The following HTR1F variants were observed in gnomAD, a reference collection of about 807,000 sequenced individuals.
HTR1F encodes 5-hydroxytryptamine (serotonin) receptor 1F, G protein-coupled.
In HTR1F, 17 loss-of-function variants were observed where a neutral mutation model predicts 24.0. The observed-to-expected ratio is 0.71, with a 90% CI of 0.48 to 1.06. HTR1F has a LOEUF of 1.06. Ranked by LOEUF, HTR1F falls within the 50% of genes least tolerant of loss-of-function variation. The pLI is 0.00. For missense variants in HTR1F, 391 were observed against 427.8 expected, an observed-to-expected ratio of 0.91 and a Z score of 0.76; for synonymous variants, 186 against 156.8, an observed-to-expected ratio of 1.19 and a Z score of -1.39.
At chr3:87,946,773 G>A (rs112530869) in intron 2 of HTR1F, among the ~76,000 whole-genome samples, 2,180 of 151,970 alleles carry the variant, frequency 0.014, 52 homozygotes, top group African/African-American at 0.047. Context: ...TTACAGGCGC[G>A]TGCTACCACG....
intron 2 of HTR1F, among the ~76,000 whole-genome samples, chr3:87,979,064 GGAGGGAGGGAGGGGGGGA>G (rs1705476657): frequency 1.2e-4 from 1 of 8,332 alleles, no homozygotes; most frequent in Non-Finnish European, 2.4e-4. Context: ...GGGAGGGGGG[GGAGGGAGGGAGGGGGGGA>G]GGAAGGAAGG....
chr3:87,879,676 T>A (rs1029264949), intron 2 of HTR1F, among the ~76,000 whole-genome samples: 2 of 152,228 alleles, frequency 1.3e-5, no homozygotes, highest in Non-Finnish European at 2.9e-5. Flanking sequence ...AAATTTTTCA[T>A]GATTTTATTC....
At chr3:87,874,369 TA>T (rs1181813620) in intron 2 of HTR1F, among the ~76,000 whole-genome samples, 1 of 152,052 alleles carries the variant, frequency 6.6e-6, no homozygotes, top group African/African-American at 2.4e-5. Context: ...AAAATGAAAT[TA>T]AGAAAACAGT....
At chr3:87,864,042 C>A (rs1156281077) in intron 2 of HTR1F, among the ~76,000 whole-genome samples, 3 of 152,134 alleles carry the variant, frequency 2.0e-5, no homozygotes, top group East Asian at 3.8e-4. Flanking sequence ...TCTAGTCTTT[C>A]TCATACTGTA....
chr3:87,816,119 G>T (rs1704245522), intron 1 of HTR1F, among the ~76,000 whole-genome samples: 1 of 151,928 alleles, frequency 6.6e-6, no homozygotes, highest in Non-Finnish European at 1.5e-5. Context: ...CAAGAAGAGG[G>T]GCTTAATTGA....
intron 2 of HTR1F, among the ~76,000 whole-genome samples, chr3:87,946,162 C>CGG (rs1704697370): frequency 6.6e-6 from 1 of 152,176 alleles, no homozygotes; most frequent in South Asian, 2.1e-4. Flanking sequence ...CGGCAATGGG[C>CGG]GCATCGCTGG....
chr3:87,915,897 C>A (rs1308844916), intron 2 of HTR1F, among the ~76,000 whole-genome samples: 1 of 152,126 alleles, frequency 6.6e-6, no homozygotes, highest in African/African-American at 2.4e-5. Flanking sequence ...CACCTAGCCA[C>A]ACTGTCATCA....
At chr3:87,867,488 A>C (rs1035403479) in intron 2 of HTR1F, among the ~76,000 whole-genome samples, 2 of 151,896 alleles carry the variant, frequency 1.3e-5, no homozygotes, top group African/African-American at 4.8e-5. Flanking sequence ...AAAAACTTTT[A>C]AGTGGCAAAA....
At chr3:87,941,368 G>A (rs1345140933) in intron 2 of HTR1F, among the ~76,000 whole-genome samples, 4 of 152,198 alleles carry the variant, frequency 2.6e-5, no homozygotes, top group Non-Finnish European at 4.4e-5. Context: ...TCCTCACGGA[G>A]GGCCCTGGTG....
chr3:87,861,963 G>T (rs1170746235), intron 2 of HTR1F, among the ~76,000 whole-genome samples: 1 of 151,932 alleles, frequency 6.6e-6, no homozygotes, highest in Non-Finnish European at 1.5e-5. Flanking sequence ...TTCCATTCAT[G>T]TATATCACAT....
chr3:87,867,887 G>T (rs1705462232), intron 2 of HTR1F, among the ~76,000 whole-genome samples: 1 of 152,022 alleles, frequency 6.6e-6, no homozygotes, highest in Admixed American at 6.6e-5. Flanking sequence ...CTTTCTTGTT[G>T]TCTAAATCAT....
At chr3:87,969,227 G>C (rs1576102381) in intron 2 of HTR1F, among the ~76,000 whole-genome samples, 1 of 152,318 alleles carries the variant, frequency 6.6e-6, no homozygotes, top group Middle Eastern at 3.4e-3. Flanking sequence ...GTGGAGCTGT[G>C]AAAAGAGCAC....
At chr3:87,919,676 T>A (rs929139859) in intron 2 of HTR1F, among the ~76,000 whole-genome samples, 4 of 152,048 alleles carry the variant, frequency 2.6e-5, no homozygotes, top group Admixed American at 2.6e-4. Context: ...TGATACCACC[T>A]TACTCCAGCA....
At chr3:87,924,946 A>G (rs1013722707) in intron 2 of HTR1F, among the ~76,000 whole-genome samples, 5 of 152,072 alleles carry the variant, frequency 3.3e-5, no homozygotes, top group African/African-American at 1.2e-4. Flanking sequence ...CTATTATGTT[A>G]TTAAATAGGT....
chr3:87,880,638 G>GTATT (rs202093173), intron 2 of HTR1F, among the ~76,000 whole-genome samples: 9,111 of 137,926 alleles, frequency 0.066, 870 homozygotes, highest in African/African-American at 0.25. Context: ...AAATGTGTGT[G>GTATT]TGTTTGTTTG....
At chr3:87,958,509 G>A (rs1472688) in intron 2 of HTR1F, among the ~76,000 whole-genome samples, 66,479 of 151,212 alleles carry the variant, frequency 0.44, 15,630 homozygotes, top group African/African-American at 0.61. Flanking sequence ...GTTTATAGGA[G>A]GCACTCCACA....
At chr3:87,836,225 A>G (rs1704680016) in intron 2 of HTR1F, among the ~76,000 whole-genome samples, 1 of 152,212 alleles carries the variant, frequency 6.6e-6, no homozygotes, top group Non-Finnish European at 1.5e-5. Flanking sequence ...CTATTCTGTT[A>G]CTTTAGAGAT....
intron 2 of HTR1F, among the ~76,000 whole-genome samples, chr3:87,926,034 C>A (rs1269256585): frequency 2.0e-5 from 3 of 152,318 alleles, no homozygotes; most frequent in East Asian, 3.9e-4. Flanking sequence ...CCATTACTTA[C>A]ACTTTGCTTT....
intron 2 of HTR1F, among the ~76,000 whole-genome samples, chr3:87,974,516 A>G (rs1256304137): frequency 5.9e-5 from 9 of 151,520 alleles, no homozygotes; most frequent in African/African-American, 1.7e-4. Flanking sequence ...GGCTGCTTGT[A>G]TCTCTACTAG....
Sources: gnomAD v4.1 joint callset for allele counts (sites outside exome capture counted in the v4.1 genomes callset) on GRCh38, gnomAD v4.1.1 for gene constraint, MANE v1.5 for transcripts, NCBI Gene and HGNC (gene_info 2026-07-23, HGNC 2026-07-21) for gene names.